Variants in NBPF3 observed in about 807,000 individuals in gnomAD.
The protein encoded by NBPF3 is NBPF family member NBPF3.
Under a neutral mutation model 78.1 loss-of-function variants are expected in NBPF3, and 57 were observed. The ratio of observed to expected loss-of-function variants is 0.73; its 90% CI spans 0.59 to 0.91. The LOEUF is 0.91. Ranked by LOEUF, NBPF3 falls within the 40% of genes least tolerant of loss-of-function variation. The pLI is 0.00. For synonymous variants in NBPF3, 182 were observed against 271.7 expected (o/e 0.67, Z 3.25); for missense variants, 510 against 715.3 (o/e 0.71, Z 3.27).
At chr1:21,458,355 A>C (rs1641753263) in intron 2 of NBPF3, among the ~76,000 whole-genome samples, 1 of 147,210 alleles carries the variant, frequency 6.8e-6, no homozygotes, top group South Asian at 2.2e-4. Flanking sequence ...CTTTGTAATA[A>C]GGGCATGGGC....
At chr1:21,449,486 T>TTTA (rs1641178246) in intron 2 of NBPF3, among the ~76,000 whole-genome samples, 1 of 89,078 alleles carries the variant, frequency 1.1e-5, no homozygotes. Flanking sequence ...TTATTTATTT[T>TTTA]TTGAGATGGA....
At chr1:21,441,706 CAAAAA>C (rs772118033) in intron 1 of NBPF3, among the ~76,000 whole-genome samples, 2 of 76,920 alleles carry the variant, frequency 2.6e-5, no homozygotes, top group Admixed American at 1.3e-4. Context: ...GAGCCTATCT[CAAAAA>C]AAAAAAAAAA....
chr1:21,441,693 T>C (rs1285975840), intron 1 of NBPF3, among the ~76,000 whole-genome samples: 1 of 137,954 alleles, frequency 7.2e-6, no homozygotes, highest in Non-Finnish European at 1.5e-5. Context: ...GATGGCAGAG[T>C]GAGAGCCTAT....
intron 2 of NBPF3, among the ~76,000 whole-genome samples, chr1:21,445,597 A>G (rs530416957): frequency 1.9e-4 from 27 of 139,538 alleles, no homozygotes; most frequent in Admixed American, 4.0e-4. Flanking sequence ...TTCAGCTTTG[A>G]TGGCTCACCC....
intron 8 of NBPF3, chr1:21,477,941 G>T (rs1187181381): frequency 1.9e-6 from 2 of 1,068,158 alleles, no homozygotes; most frequent in African/African-American, 1.6e-5. Context: ...TACTGAGCAC[G>T]TGCTGCCCAT....
At position 21,476,649 on chromosome 1, in the gene NBPF3, G is replaced by A. The variant is rs1446286332; in HGVS notation, c.993-1495G>A. On this transcript the variant is annotated intron_variant, in intron 8 of 14. Coordinates refer to ENST00000318249, the MANE Select transcript of NBPF3 (RefSeq NM_032264.6). This position sits in a 1 kb window ranked among gnomAD's most constrained non-coding sequence, Gnocchi z 4.1. ...TAGGGTTTCTGCAGAGAGATCCACT[G>A]TTAGTCTGGTGGGCTTCCCTTAGTG... Among the ~76,000 whole-genome samples the A allele has an allele frequency of 6.6e-6, 1 of 152,224 alleles. No homozygotes were observed. Among genetic ancestry groups the A allele is most frequent in the African/African-American group, 2.4e-5 (1 of 41,460 alleles).
At chr1:21,464,725 G>A (rs1253324320) in intron 2 of NBPF3, among the ~76,000 whole-genome samples, 1 of 151,746 alleles carries the variant, frequency 6.6e-6, no homozygotes, top group Non-Finnish European at 1.5e-5. Flanking sequence ...AAGCATTTCA[G>A]GGCCAGGTTC....
chr1:21,448,058 A>C (rs1416144354), intron 2 of NBPF3, among the ~76,000 whole-genome samples: 1 of 152,012 alleles, frequency 6.6e-6, no homozygotes, highest in East Asian at 1.9e-4. Context: ...ATTATTTTGT[A>C]AATATTTTCT....
chr1:21,472,616 G>A (rs1432011628), intron 5 of NBPF3, among the ~76,000 whole-genome samples: 1 of 152,230 alleles, frequency 6.6e-6, no homozygotes, highest in East Asian at 1.9e-4. Context: ...GGAGCAAAAG[G>A]TCTTTTCAGT....
upstream of NBPF3, among the ~76,000 whole-genome samples, chr1:21,439,178 C>G (rs1166981304): frequency 4.6e-5 from 7 of 152,124 alleles, no homozygotes; most frequent in Non-Finnish European, 1.0e-4. Context: ...ACTCGGGAGG[C>G]TGGGGCAGGA....
At chr1:21,445,614 T>C (rs1182531366) in intron 2 of NBPF3, among the ~76,000 whole-genome samples, 1 of 151,116 alleles carries the variant, frequency 6.6e-6, no homozygotes, top group Non-Finnish European at 1.5e-5. Flanking sequence ...ACCCCCTCCC[T>C]GTCCACCTGC....
chr1:21,452,581 A>T (rs1289500690), intron 2 of NBPF3, among the ~76,000 whole-genome samples: 1 of 152,218 alleles, frequency 6.6e-6, no homozygotes, highest in Non-Finnish European at 1.5e-5. Flanking sequence ...TTCATTTATG[A>T]TGAAGGAGAA....
At chr1:21,468,535 G>A in intron 2 of NBPF3, 153 bp from the exon 3 acceptor site, 10 of 1,500,382 alleles carry the variant, frequency 6.7e-6, no homozygotes, top group Admixed American at 2.4e-5. Context: ...CATTGTTTTT[G>A]TCGTTAAGGA....
chr1:21,472,833 G>T lies in NBPF3; in HGVS notation c.662-10G>T. On this transcript the variant is annotated splice_polypyrimidine_tract_variant and intron_variant, in intron 5 of 14. Transcript: ENST00000318249. ...GGGAAATATCTGAATGAACACTTCT[G>T]TATTTACAGAAAATGATGACGATGA... is the stretch of plus-strand genomic sequence containing the variant. The T allele has an allele frequency of 1.2e-6, 2 of 1,603,080 alleles. No individual in the cohort carries two copies. The highest frequency in any genetic ancestry group is 1.7e-6 in the Non-Finnish European group (2 of 1,170,004).
At chr1:21,450,051 A>C (rs1279833363) in intron 2 of NBPF3, among the ~76,000 whole-genome samples, 1 of 152,220 alleles carries the variant, frequency 6.6e-6, no homozygotes, top group Admixed American at 6.5e-5. Context: ...GCCAATTATC[A>C]CATTACCACA....
intron 8 of NBPF3, among the ~76,000 whole-genome samples, chr1:21,475,628 T>G (rs1163357416): frequency 2.6e-5 from 4 of 152,232 alleles, no homozygotes; most frequent in Non-Finnish European, 4.4e-5. Context: ...GAGAGACAGT[T>G]TGTTGTGATT....
chr1:21,445,335 A>C (rs1240230390), intron 2 of NBPF3, 116 bp downstream of exon 2: 17 of 1,154,344 alleles, frequency 1.5e-5, no homozygotes, highest in Admixed American at 7.3e-5. Context: ...CTTGCCTGGC[A>C]TGAAACAGAT....
At chr1:21,479,850 G>GTGTGTA (rs1437657533) in intron 10 of NBPF3, among the ~76,000 whole-genome samples, 4 of 148,474 alleles carry the variant, frequency 2.7e-5, no homozygotes, top group African/African-American at 9.8e-5. Context: ...GTGTGTGTGT[G>GTGTGTA]TGTATGTGTA....
chr1:21,447,780 T>C (rs1641075527), intron 2 of NBPF3, among the ~76,000 whole-genome samples: 2 of 152,232 alleles, frequency 1.3e-5, no homozygotes, highest in African/African-American at 2.4e-5. Flanking sequence ...CCACTAGCGA[T>C]GGAAAGTTCT....
Sources: gnomAD v4.1 joint callset for allele counts (sites outside exome capture counted in the v4.1 genomes callset) on GRCh38, gnomAD v4.1.1 for gene constraint, Gnocchi (gnomAD v3.1) non-coding constraint, MANE v1.5 for transcripts, NCBI Gene and HGNC (gene_info 2026-07-23, HGNC 2026-07-21) for gene names.